Variants in ZHX2 observed in about 807,000 individuals in gnomAD.
ZHX2 encodes the protein zinc fingers and homeoboxes 2.
In ZHX2, 6 loss-of-function variants were observed where a neutral mutation model predicts 21.9. That is an observed-to-expected ratio of 0.27 (90% confidence interval 0.15 to 0.54). The LOEUF (loss-of-function observed/expected upper bound fraction) is 0.54. Ranked by LOEUF, ZHX2 falls within the 20% of genes least tolerant of loss-of-function variation. The pLI is 0.95. For synonymous variants in ZHX2, 434 were observed against 437.1 expected, an observed-to-expected ratio of 0.99 and a Z score of 0.09; for missense variants, 908 against 1,090.7, an observed-to-expected ratio of 0.83 and a Z score of 2.36.
rs765841714 is a variant in ZHX2, at chr8:122,952,531, G to A, written c.1021G>A (p.Val341Ile). ...KKMFNGTIQS[V>I]PPTITVLPAQ... ...GATGTTCAACGGCACCATCCAGTCA[G>A]TACCCCCGACCATCACTGTGCTGCC... is the stretch of plus-strand genomic sequence containing the variant. Residue 341 changes from valine to isoleucine, a missense_variant, in exon 3 of 4, where the codon GTA (valine) becomes ATA (isoleucine). By Grantham distance (29) the Val-to-Ile change is conservative. Coordinates refer to ENST00000314393, the MANE Select transcript of ZHX2 (RefSeq NM_014943.5). The surrounding 1 kb of genome is among the most constrained non-coding windows in gnomAD (Gnocchi z 6.9). The A allele has an allele frequency of 3.7e-6, 6 of 1,614,056 alleles. No homozygotes were observed. The highest frequency in any genetic ancestry group is 1.1e-5 in the South Asian group (1 of 91,086).
rs554545170 is a variant in ZHX2 at position 122,870,746 on chromosome 8, T to C, written c.-220+7207T>C. 2.7e-5 allele frequency among the ~76,000 whole-genome samples: 4 copies of C among 149,766 alleles called. No homozygotes were observed. The South Asian group carries it at 6.4e-4, about 24-fold the overall frequency. ...CAAAGACAAGGAAGCAGTGAGGAGA[T>C]GGTGGCTGTTCCGATGGCCCCAGAG... On this transcript the variant is annotated intron_variant, in intron 2 of 3. Coordinates refer to ENST00000314393, the MANE Select transcript of ZHX2 (RefSeq NM_014943.5).
chr8:122,904,945 T>A (rs1389781597), intron 2 of ZHX2, among the ~76,000 whole-genome samples: 1 of 152,064 alleles, frequency 6.6e-6, no homozygotes, highest in Admixed American at 6.5e-5. Context: ...TCTCAGCAAA[T>A]AAACGACATA....
intron 1 of ZHX2, among the ~76,000 whole-genome samples, chr8:122,836,063 G>A (rs892794921): frequency 1.3e-5 from 2 of 152,170 alleles, no homozygotes; most frequent in Non-Finnish European, 2.9e-5. Flanking sequence ...GAACAAGGAA[G>A]AGGAGAACAT....
intron 1 of ZHX2, among the ~76,000 whole-genome samples, chr8:122,853,383 C>A (rs1818948861): frequency 6.6e-6 from 1 of 152,208 alleles, no homozygotes; most frequent in South Asian, 2.1e-4. Flanking sequence ...ACAGCCCCAG[C>A]CAACACATGC....
intron 3 of ZHX2, among the ~76,000 whole-genome samples, chr8:122,959,814 G>A (rs1000621965): frequency 6.6e-6 from 1 of 152,142 alleles, no homozygotes; most frequent in African/African-American, 2.4e-5. Flanking sequence ...GCCTAACAGG[G>A]AGTTAACTGA....
At chr8:122,786,858 A>T (rs1315874696) in intron 1 of ZHX2, among the ~76,000 whole-genome samples, 1 of 152,166 alleles carries the variant, frequency 6.6e-6, no homozygotes, top group African/African-American at 2.4e-5. Flanking sequence ...CTCAGGAAGG[A>T]TGCTTGGCTG....
chr8:122,885,773 G>A (rs1819825990), intron 2 of ZHX2, among the ~76,000 whole-genome samples: 2 of 152,150 alleles, frequency 1.3e-5, no homozygotes, highest in South Asian at 4.2e-4. Flanking sequence ...TTCTGCCAAG[G>A]TTGAGAGACC....
chr8:122,952,900 C>T lies in ZHX2; in HGVS notation c.1390C>T (p.Pro464Ser). The T allele has an allele frequency of 6.2e-7, 1 of 1,614,174 alleles. No individual in the cohort carries two copies. The highest frequency in any genetic ancestry group is 8.5e-7 in the Non-Finnish European group (1 of 1,180,050). ...LKASFLQSQF[P>S]DDAEVYRLIE... ...GGCCAGCTTTCTCCAGAGCCAGTTCCCTGACGATGCCGAGGTTTACCGGCT... is the reference window on the plus strand; with the variant it reads ...GGCCAGCTTTCTCCAGAGCCAGTTCTCTGACGATGCCGAGGTTTACCGGCT... Residue 464 changes from proline (P) to serine (S), a missense_variant, in exon 3 of 4, where the codon CCT (proline) becomes TCT (serine). Pro to Ser is a moderately conservative substitution (Grantham distance 74). Transcript: ENST00000314393. The surrounding 1 kb of genome is among the most constrained non-coding windows in gnomAD (Gnocchi z 6.9).
intron 1 of ZHX2, among the ~76,000 whole-genome samples, chr8:122,803,524 C>T (rs952919499): frequency 3.3e-5 from 5 of 152,220 alleles, no homozygotes; most frequent in African/African-American, 9.6e-5. Context: ...GGGTATTTGG[C>T]GGCATCCCTG....
At chr8:122,946,250 G>C (rs1338929213) in intron 2 of ZHX2, among the ~76,000 whole-genome samples, 1 of 151,840 alleles carries the variant, frequency 6.6e-6, no homozygotes, top group African/African-American at 2.4e-5. Flanking sequence ...GGTGGTTCAC[G>C]GGCTTTCAAA....
chr8:122,838,724 C>T (rs1026438649), intron 1 of ZHX2, among the ~76,000 whole-genome samples: 1 of 151,776 alleles, frequency 6.6e-6, no homozygotes, highest in Non-Finnish European at 1.5e-5. Context: ...ACTACAAGCA[C>T]GTGCCACTAC....
At chr8:122,850,635 G>T (rs1165598180) in intron 1 of ZHX2, among the ~76,000 whole-genome samples, 2 of 82,044 alleles carry the variant, frequency 2.4e-5, no homozygotes, top group Non-Finnish European at 4.7e-5. Context: ...GCGAGACTCT[G>T]TCTCAAAAAA....
intron 3 of ZHX2, among the ~76,000 whole-genome samples, chr8:122,961,689 A>G (rs1813452309): frequency 1.3e-5 from 2 of 151,916 alleles, no homozygotes; most frequent in Admixed American, 6.5e-5. Context: ...ATCAGATCTC[A>G]TGAGAACTCA....
chr8:122,879,809 G>A (rs1161904302), intron 2 of ZHX2, among the ~76,000 whole-genome samples: 1 of 151,992 alleles, frequency 6.6e-6, no homozygotes, highest in African/African-American at 2.4e-5. Flanking sequence ...TATATCACTT[G>A]CCCTTTCTGA....
At chr8:122,909,807 C>T (rs1353027032) in intron 2 of ZHX2, among the ~76,000 whole-genome samples, 3 of 152,162 alleles carry the variant, frequency 2.0e-5, no homozygotes, top group Non-Finnish European at 2.9e-5. Context: ...GCTTCACTCC[C>T]TCCCATCCAT....
At chr8:122,859,066 C>T (rs1202292447) in intron 1 of ZHX2, among the ~76,000 whole-genome samples, 1 of 152,226 alleles carries the variant, frequency 6.6e-6, no homozygotes, top group African/African-American at 2.4e-5. Context: ...GGTTAGAGCC[C>T]TGCCCAGCTG....
intron 2 of ZHX2, among the ~76,000 whole-genome samples, chr8:122,922,332 T>A (rs983652152): frequency 3.9e-5 from 6 of 152,176 alleles, no homozygotes; most frequent in African/African-American, 1.2e-4. Flanking sequence ...GGATTTTTTT[T>A]AAGTGTTATG....
At chr8:122,837,836 GAAGA>G (rs1422955797) in intron 1 of ZHX2, among the ~76,000 whole-genome samples, 2 of 152,204 alleles carry the variant, frequency 1.3e-5, no homozygotes, top group African/African-American at 4.8e-5. Context: ...TTAAGGCTGA[GAAGA>G]AAGAGACTGA....
intron 2 of ZHX2, among the ~76,000 whole-genome samples, chr8:122,900,574 TG>T (rs1820204484): frequency 6.6e-6 from 1 of 152,180 alleles, no homozygotes; most frequent in Admixed American, 6.5e-5. Flanking sequence ...CTAGTTGCAG[TG>T]ACTTCTGCTC....
Sources: gnomAD v4.1 joint callset for allele counts (sites outside exome capture counted in the v4.1 genomes callset) on GRCh38, gnomAD v4.1.1 for gene constraint, Gnocchi (gnomAD v3.1) non-coding constraint, MANE v1.5 for transcripts, NCBI Gene and HGNC (gene_info 2026-07-23, HGNC 2026-07-21) for gene names.